TPTE2: variants seen among roughly 807,000 people sequenced by gnomAD.
TPTE2 encodes the protein phosphatidylinositol 3,4,5-trisphosphate 3-phosphatase TPTE2.
In TPTE2, 53 loss-of-function variants were observed where a neutral mutation model predicts 78.6. That is an observed-to-expected ratio of 0.67 (90% CI 0.54 to 0.85). The LOEUF (loss-of-function observed/expected upper bound fraction) is 0.85, where lower values mean the gene tolerates loss of function less well. Ranked by LOEUF, TPTE2 falls within the 40% of genes least tolerant of loss-of-function variation. The pLI, the probability that TPTE2 is intolerant of heterozygous loss-of-function variation, is 0.00. For missense variants in TPTE2, 461 were observed against 623.0 expected (o/e 0.74, Z 2.77); for synonymous variants, 175 against 206.2 (o/e 0.85, Z 1.30).
intron 1 of TPTE2, among the ~76,000 whole-genome samples, chr13:19,502,372 A>G (rs1199164493): frequency 6.6e-6 from 1 of 151,608 alleles, no homozygotes; most frequent in African/African-American, 2.4e-5. Context: ...GGCATTATTC[A>G]CAATAGCAGA....
At chr13:19,495,870 G>C (rs1307977508) in intron 1 of TPTE2, among the ~76,000 whole-genome samples, 1 of 151,918 alleles carries the variant, frequency 6.6e-6, no homozygotes, top group Admixed American at 6.6e-5. Context: ...GTTGTTTGTT[G>C]CTGTTGTTTG....
At chr13:19,448,950 C>G (rs762207599) in intron 13 of TPTE2, among the ~76,000 whole-genome samples, 1 of 152,180 alleles carries the variant, frequency 6.6e-6, no homozygotes, top group African/African-American at 2.4e-5. Flanking sequence ...TAAAGGCATA[C>G]TATTCAGCCT....
intron 6 of TPTE2, among the ~76,000 whole-genome samples, chr13:19,471,162 C>A (rs773646485): frequency 2.6e-4 from 39 of 152,230 alleles, no homozygotes; most frequent in Middle Eastern, 6.8e-3. Context: ...CCTGCCTTGG[C>A]CTCCCAAACT....
intron 4 of TPTE2, 78 bp downstream of exon 7, chr13:19,482,410 C>G: frequency 6.5e-7 from 1 of 1,534,168 alleles, no homozygotes; most frequent in Non-Finnish European, 8.8e-7. Context: ...TTCCTTCTTG[C>G]CTTAGCGGAA....
chr13:19,435,647 G>C (rs1364449438), intron 15 of TPTE2, among the ~76,000 whole-genome samples: 1 of 152,022 alleles, frequency 6.6e-6, no homozygotes, highest in Non-Finnish European at 1.5e-5. Flanking sequence ...TATTAAATGA[G>C]ATATGTAAAA....
chr13:19,546,247 A>G, the TPTE2 span, among the ~76,000 whole-genome samples: 1 of 152,006 alleles, frequency 6.6e-6, no homozygotes, highest in South Asian at 2.1e-4. Context: ...GCAACATTAC[A>G]TTTCCCAGCC....
chr13:19,512,583 A>T (rs1316289035), intron 1 of TPTE2, among the ~76,000 whole-genome samples: 4 of 148,166 alleles, frequency 2.7e-5, no homozygotes, highest in African/African-American at 7.4e-5. Flanking sequence ...CACAGGAAAC[A>T]TTTTTTTTTT....
intron 1 of TPTE2, among the ~76,000 whole-genome samples, 181 bp downstream of exon 4, chr13:19,503,043 C>T (rs1195399628): frequency 6.6e-6 from 1 of 152,162 alleles, no homozygotes; most frequent in African/African-American, 2.4e-5. Flanking sequence ...AAATGTCCGT[C>T]CATCTGTCTC....
At chr13:19,498,227 G>A (rs150829997) in intron 1 of TPTE2, among the ~76,000 whole-genome samples, 3,212 of 152,216 alleles carry the variant, frequency 0.021, 120 homozygotes, top group African/African-American at 0.074. Flanking sequence ...AAACACTGCA[G>A]GATATTATCC....
chr13:19,430,107 A>G (rs1033147612), intron 17 of TPTE2, among the ~76,000 whole-genome samples: 2 of 152,218 alleles, frequency 1.3e-5, no homozygotes, highest in African/African-American at 4.8e-5. Context: ...AATCAGTGCT[A>G]TATAATAAAA....
intron 17 of TPTE2, among the ~76,000 whole-genome samples, chr13:19,428,808 G>A (rs1458669292): frequency 6.6e-6 from 1 of 152,018 alleles, no homozygotes; most frequent in Admixed American, 6.6e-5. Context: ...AGCCAAAAGG[G>A]ATGACCCAGT....
At chr13:19,428,231 C>T (rs1217728136) in intron 17 of TPTE2, among the ~76,000 whole-genome samples, 3 of 152,108 alleles carry the variant, frequency 2.0e-5, no homozygotes, top group African/African-American at 4.8e-5. Context: ...GGCAGATCAC[C>T]TGAGGTCGGG....
chr13:19,540,280 CATTATTATT>C (rs141067657), upstream of TPTE2, among the ~76,000 whole-genome samples: 3 of 145,068 alleles, frequency 2.1e-5, no homozygotes, highest in Non-Finnish European at 3.0e-5. Flanking sequence ...AATTAAATCT[CATTATTATT>C]ATTATTATTA....
chr13:19,484,169 C>T (rs934414622), intron 3 of TPTE2, among the ~76,000 whole-genome samples: 13 of 152,158 alleles, frequency 8.5e-5, no homozygotes, highest in African/African-American at 2.9e-4. Flanking sequence ...TTTCTAGTTA[C>T]ATTTGTTTCA....
chr13:19,523,390 A>G (rs1192725397), intron 1 of TPTE2, among the ~76,000 whole-genome samples: 3 of 152,104 alleles, frequency 2.0e-5, no homozygotes, highest in Non-Finnish European at 4.4e-5. Context: ...TATTTTTCCT[A>G]GCTGCTTTTA....
chr13:19,534,033 T>G (rs1871049317), intron 1 of TPTE2, among the ~76,000 whole-genome samples: 1 of 152,274 alleles, frequency 6.6e-6, no homozygotes, highest in East Asian at 1.9e-4. Context: ...AGGTGCTTCT[T>G]GACTTACAAT....
the TPTE2 span, among the ~76,000 whole-genome samples, chr13:19,544,948 A>T: frequency 6.9e-6 from 1 of 145,190 alleles, no homozygotes; most frequent in African/African-American, 2.7e-5. Flanking sequence ...ACACACACAC[A>T]CACACACACA....
At chr13:19,547,718 TAC>T in the TPTE2 span, among the ~76,000 whole-genome samples, 18 of 117,518 alleles carry the variant, frequency 1.5e-4, no homozygotes, top group Admixed American at 9.2e-4. Context: ...GTAATAAATA[TAC>T]ATATATATAT....
Position 19,431,575 on chromosome 13 carries a change from T to C in TPTE2, c.1222+898A>G, listed in dbSNP as rs565850298. Among the ~76,000 whole-genome samples the C allele has an allele frequency of 4.6e-5, 7 of 152,324 alleles. No homozygotes were observed. The East Asian group carries it at 1.3e-3, about 29-fold the overall frequency. On this transcript the variant is annotated intron_variant, in intron 16 of 19. Transcript: ENST00000400230. ...ATCTTTGATTGTTCATCTCATATGCTGTTTGTTTTCATTTAATTTTGTTTT... is the reference window on the plus strand; with the variant it reads ...ATCTTTGATTGTTCATCTCATATGCCGTTTGTTTTCATTTAATTTTGTTTT...
Sources: allele counts gnomAD v4.1 joint callset (sites outside exome capture counted in the v4.1 genomes callset), GRCh38; gene constraint gnomAD v4.1.1; transcripts MANE v1.5; gene names NCBI Gene and HGNC (gene_info 2026-07-23, HGNC 2026-07-21).